The following ZNF487 variants were observed in gnomAD, a reference collection of about 807,000 sequenced individuals.
ZNF487 encodes KRAB domain only 1.
Under a neutral mutation model 3.0 loss-of-function variants are expected in ZNF487, and 4 were observed. The ratio of observed to expected loss-of-function variants is 1.35; its 90% CI spans 0.66 to 3.08. The LOEUF is 3.08. Among genes scored for constraint, ZNF487 ranks in the 30% most tolerant of loss-of-function variants. The pLI is 0.01. For synonymous variants in ZNF487, 55 were observed against 34.6 expected, an observed-to-expected ratio of 1.59 and a Z score of -2.06; for missense variants, 146 against 98.7, an observed-to-expected ratio of 1.48 and a Z score of -2.03.
At chr10:43,496,996 T>TA in the ZNF487 span, among the ~76,000 whole-genome samples, 1 of 152,202 alleles carries the variant, frequency 6.6e-6, no homozygotes, top group Non-Finnish European at 1.5e-5. Context: ...CACTTCCAAG[T>TA]AATGACCTCA....
chr10:43,449,468 A>G (rs1323583071), intron 1 of ZNF487, among the ~76,000 whole-genome samples: 1 of 152,184 alleles, frequency 6.6e-6, no homozygotes, highest in Non-Finnish European at 1.5e-5. Flanking sequence ...AGCTAATTTC[A>G]TAGGAAAATT....
chr10:43,462,923 C>A (rs1840485321), intron 1 of ZNF487, among the ~76,000 whole-genome samples: 1 of 151,846 alleles, frequency 6.6e-6, no homozygotes, highest in Admixed American at 6.6e-5. Context: ...CCATGCCTGG[C>A]TATGCCTGGC....
At chr10:43,508,417 C>T in the ZNF487 span, among the ~76,000 whole-genome samples, 2 of 152,108 alleles carry the variant, frequency 1.3e-5, no homozygotes, top group Admixed American at 1.3e-4. Context: ...TAAAATGTAC[C>T]GTGGTGGACA....
In ZNF487 at chr10:43,482,212, A is replaced by G. The variant is rs1171127259; in HGVS notation, c.*290A>G. On this transcript the variant is annotated 3_prime_UTR_variant, in exon 4 of 4. Coordinates refer to ENST00000437590, the MANE Select transcript of ZNF487 (RefSeq NM_001355444.3). The stretch of plus-strand genomic sequence containing the variant: ...TCTGCAAGAAGCCAAATTTCACTCA[A>G]CATCAAGAAACACATATAGGAAAGA... 2.1e-6 allele frequency: 1 copy of G among 470,994 alleles called. No individual in the cohort carries two copies. Among genetic ancestry groups the G allele is most frequent in the Non-Finnish European group, 3.9e-6 (1 of 258,354 alleles). The allele number at this position is 470,994 out of a possible 1,614,324, so 29.2% of individuals were successfully genotyped here. A position where few individuals can be genotyped will look rare whatever the true frequency, so the allele number is the denominator to read the frequency against.
At chr10:43,463,041 C>A (rs1299263884) in intron 1 of ZNF487, among the ~76,000 whole-genome samples, 1 of 151,802 alleles carries the variant, frequency 6.6e-6, no homozygotes, top group African/African-American at 2.4e-5. Flanking sequence ...TTGAGACCAG[C>A]CTGACCAACA....
the ZNF487 span, among the ~76,000 whole-genome samples, chr10:43,519,089 A>AT: frequency 2.1e-5 from 3 of 143,756 alleles, no homozygotes; most frequent in African/African-American, 5.3e-5. Flanking sequence ...TCTCTCAAAA[A>AT]TTTTTTTTTT....
At chr10:43,509,854 G>C in the ZNF487 span, among the ~76,000 whole-genome samples, 2 of 151,982 alleles carry the variant, frequency 1.3e-5, no homozygotes, top group African/African-American at 4.8e-5. Context: ...ATACAATTAA[G>C]TTGACACTCA....
chr10:43,446,500 G>A (rs2812797), intron 1 of ZNF487, among the ~76,000 whole-genome samples: 64,212 of 143,456 alleles, frequency 0.45, 15,952 homozygotes, highest in East Asian at 0.71. Context: ...GGGCAGAGGC[G>A]CTCCTCACCT....
the ZNF487 span, among the ~76,000 whole-genome samples, chr10:43,510,295 G>T: frequency 4.3e-4 from 65 of 152,270 alleles, 1 homozygote; most frequent in Non-Finnish European, 7.3e-4. Context: ...ACCTCAGCAG[G>T]TCATGGTTTT....
intron 1 of ZNF487, among the ~76,000 whole-genome samples, chr10:43,467,239 G>A (rs1222996508): frequency 6.6e-6 from 1 of 151,120 alleles, no homozygotes; most frequent in Non-Finnish European, 1.5e-5. Context: ...GAGTCTTGCT[G>A]TGTCGCCCAG....
At chr10:43,522,739 C>G in the ZNF487 span, among the ~76,000 whole-genome samples, 1 of 151,570 alleles carries the variant, frequency 6.6e-6, no homozygotes, top group Non-Finnish European at 1.5e-5. Context: ...TCTCAAAAAA[C>G]AAAAAATAAA....
chr10:43,465,114 C>T (rs1188504412), intron 1 of ZNF487, among the ~76,000 whole-genome samples: 3 of 138,848 alleles, frequency 2.2e-5, no homozygotes, highest in Non-Finnish European at 3.1e-5. Context: ...ACCTCCCTCC[C>T]GGATGGGGCG....
downstream of ZNF487, among the ~76,000 whole-genome samples, chr10:43,486,441 G>A (rs1411667392): frequency 2.6e-5 from 4 of 151,994 alleles, no homozygotes; most frequent in South Asian, 2.1e-4. Context: ...CAGGAGAATC[G>A]CTTGAACCTG....
intron 3 of ZNF487, among the ~76,000 whole-genome samples, chr10:43,478,708 G>A (rs1002411739): frequency 2.0e-5 from 3 of 152,116 alleles, no homozygotes; most frequent in African/African-American, 7.2e-5. Context: ...GACAGAGTAA[G>A]AGCCTGTCTG....
downstream of ZNF487, among the ~76,000 whole-genome samples, chr10:43,484,270 G>A (rs1156899150): frequency 6.6e-6 from 1 of 152,136 alleles, no homozygotes; most frequent in Non-Finnish European, 1.5e-5. Context: ...GAGCCTGAGA[G>A]AATCAATGAA....
At chr10:43,485,615 T>G (rs1295014872), downstream of ZNF487, among the ~76,000 whole-genome samples, 2 of 152,230 alleles carry the variant, frequency 1.3e-5, no homozygotes, top group Non-Finnish European at 2.9e-5. Context: ...AATATAGGTT[T>G]TCAGAGAATC....
upstream of ZNF487, chr10:43,437,034 C>T (rs999146514): frequency 2.6e-5 from 9 of 340,214 alleles, no homozygotes; most frequent in Middle Eastern, 9.1e-4. Flanking sequence ...AGCAGCAAGG[C>T]TTCCGGAAGC....
intron 3 of ZNF487, among the ~76,000 whole-genome samples, 182 bp downstream of exon 3, chr10:43,476,384 C>T (rs1465876219): frequency 6.6e-6 from 1 of 152,220 alleles, no homozygotes; most frequent in Non-Finnish European, 1.5e-5. Context: ...TACACACTAG[C>T]AGATAACAGC....
chr10:43,490,698 GA>G, the ZNF487 span, among the ~76,000 whole-genome samples: 19 of 144,934 alleles, frequency 1.3e-4, no homozygotes, highest in African/African-American at 5.1e-4. Context: ...TTTTGAGATG[GA>G]ATTTCACTCT....
Sources: gnomAD v4.1 joint callset for allele counts (sites outside exome capture counted in the v4.1 genomes callset) on GRCh38, gnomAD v4.1.1 for gene constraint, MANE v1.5 for transcripts, NCBI Gene and HGNC (gene_info 2026-07-23, HGNC 2026-07-21) for gene names.